TFF2: variants seen among roughly 807,000 people sequenced by gnomAD.
The protein encoded by TFF2 is spasmolysin.
In TFF2, 19 loss-of-function variants were observed where a neutral mutation model predicts 16.0. That is an observed-to-expected ratio of 1.19 (90% CI 0.83 to 1.74). The LOEUF is 1.74. Ranked by LOEUF, TFF2 falls within the 40% of genes most tolerant of loss-of-function variation. TFF2 has a pLI of 0.00. For synonymous variants in TFF2, 61 were observed against 65.4 expected (o/e 0.93, Z 0.32); for missense variants, 168 against 166.8 (o/e 1.01, Z -0.04).
At chr21:42,350,542 C>T (rs1373530147) in intron 1 of TFF2, among the ~76,000 whole-genome samples, 2 of 152,116 alleles carry the variant, frequency 1.3e-5, no homozygotes, top group Non-Finnish European at 2.9e-5. Context: ...CGGAAAAAAA[C>T]AAAAACAAAA....
chr21:42,347,418 C>T (rs896009188), intron 3 of TFF2, 68 bp downstream of exon 3: 63 of 1,602,188 alleles, frequency 3.9e-5, no homozygotes, highest in Non-Finnish European at 5.1e-5. Flanking sequence ...CCCTGCACCC[C>T]ACCTCTACGG....
chr21:42,350,850 C>A (rs1381577847), intron 1 of TFF2, 29 bp downstream of exon 1: 1 of 1,577,668 alleles, frequency 6.3e-7, no homozygotes, highest in Admixed American at 1.9e-5. Flanking sequence ...ATAAAGAAAG[C>A]ACATAAAAAG....
chr21:42,346,680 G>C (rs1432276233), intron 3 of TFF2, 134 bp from the exon 4 acceptor site: 5 of 980,478 alleles, frequency 5.1e-6, no homozygotes, highest in Admixed American at 5.5e-5. Flanking sequence ...TCCCGGGGAG[G>C]GGGTGTAAAG....
At chr21:42,349,544 C>T (rs1355919753) in intron 2 of TFF2, among the ~76,000 whole-genome samples, 1 of 129,746 alleles carries the variant, frequency 7.7e-6, no homozygotes, top group Non-Finnish European at 1.7e-5. Flanking sequence ...ACCTGGGCTA[C>T]TAGCCCCAGA....
At chr21:42,348,215 C>T (rs13047301) in intron 2 of TFF2, among the ~76,000 whole-genome samples, 42,025 of 146,652 alleles carry the variant, frequency 0.29, 6,154 homozygotes, top group East Asian at 0.37. Flanking sequence ...GCACGACACA[C>T]ACACAACCTT....
intron 3 of TFF2, 131 bp from the exon 4 acceptor site, chr21:42,346,677 G>T: frequency 9.3e-7 from 1 of 1,069,540 alleles, no homozygotes. Context: ...CTTTCCCGGG[G>T]AGGGGGTGTA....
chr21:42,350,896 G>A lies in TFF2; in HGVS notation c.62C>T (p.Ala21Val), dbSNP rs139956370. 44 of 1,613,070 alleles carry A rather than the reference G, an allele frequency of 2.7e-5. No homozygotes were observed. The Admixed American group carries it at 4.3e-4, about 16-fold the overall frequency. Residue 21 changes from alanine to valine, a missense_variant, in exon 1 of 4, where the codon GCG becomes GTG. Ala to Val is a moderately conservative substitution (Grantham distance 64). Transcript: ENST00000291526. ...TCACTTACAGGGTTTCTCACTCCCC[G>A]CCAGGGCACATAGCCCCAGGACGAG... ...ALLVLGLCAL[A>V]GSEKPSPCQC...
chr21:42,347,737 G>A, intron 2 of TFF2, 105 bp from the exon 3 acceptor site: 1 of 1,408,174 alleles, frequency 7.1e-7, no homozygotes, highest in Non-Finnish European at 9.5e-7. Flanking sequence ...CAGCCTCCGT[G>A]GATCATGAGG....
At chr21:42,350,321 G>C (rs1322441837) in intron 1 of TFF2, 2 of 402,342 alleles carry the variant, frequency 5.0e-6, no homozygotes, top group South Asian at 1.7e-4. Context: ...GAGCTCAGGA[G>C]TTCAAGACCA....
At chr21:42,350,354 C>T (rs939604437) in intron 1 of TFF2, 5 of 252,694 alleles carry the variant, frequency 2.0e-5, no homozygotes, top group Admixed American at 5.5e-5. Flanking sequence ...TGTCGAAACC[C>T]CATCTCTACA....
chr21:42,350,174 G>T, intron 1 of TFF2, 144 bp from the exon 2 acceptor site: 1 of 1,311,088 alleles, frequency 7.6e-7, no homozygotes, highest in Non-Finnish European at 9.7e-7. Flanking sequence ...TAAGCAATGC[G>T]GTTTCCTCCT....
chr21:42,350,352 C>T (rs567601681), intron 1 of TFF2: 127 of 255,070 alleles, frequency 5.0e-4, no homozygotes, highest in African/African-American at 2.7e-3. Flanking sequence ...CATGTCGAAA[C>T]CCCATCTCTA....
rs1401272277 is a variant in TFF2, at chr21:42,346,554, T to G, written c.377-8A>C. 2 of 1,595,570 alleles carry G rather than the reference T, an allele frequency of 1.3e-6. No individual in the cohort carries two copies. The highest frequency in any genetic ancestry group is 3.6e-5 in the Admixed American group (2 of 54,990). On this transcript the variant is annotated splice_region_variant and splice_polypyrimidine_tract_variant and intron_variant, in intron 3 of 3. Coordinates refer to ENST00000291526, the MANE Select transcript of TFF2 (RefSeq NM_005423.5). The stretch of plus-strand genomic sequence containing the variant: ...TCTCTTAGTAATGGCAGTCTAGAAG[T>G]TTAAATGCAAGATGGTTGGTAAGGG...
intron 2 of TFF2, among the ~76,000 whole-genome samples, chr21:42,349,667 G>C (rs1198121868): frequency 1.3e-5 from 2 of 149,046 alleles, no homozygotes; most frequent in African/African-American, 5.0e-5. Context: ...AACCAACCTG[G>C]GCTAGCCCCA....
In TFF2 at chr21:42,347,610, C is replaced by T. The variant is rs1485693426; in HGVS notation, c.252G>A (p.Glu84=). ...PKQESDQCVM[E]VSDRRNCGYP... ...AGCCACAGTTTCTTCGGTCTGAGAC[C>T]TCCATGACGCACTGATCCGACTCTG... Residue 84 remains glutamate (E), a synonymous_variant, in exon 3 of 4, where the codon GAG becomes GAA. Transcript: ENST00000291526. 6.2e-7 allele frequency: 1 copy of T among 1,614,054 alleles called. No homozygotes were observed. Among genetic ancestry groups the T allele is most frequent in the Non-Finnish European group, 8.5e-7 (1 of 1,180,036 alleles).
chr21:42,348,726 A>G (rs1360833368), intron 2 of TFF2, among the ~76,000 whole-genome samples: 1 of 150,662 alleles, frequency 6.6e-6, no homozygotes, highest in Non-Finnish European at 1.5e-5. Context: ...CTCTAGACTA[A>G]CAGTCCAGAC....
chr21:42,348,443 A>G (rs952172754), intron 2 of TFF2, among the ~76,000 whole-genome samples: 1 of 152,150 alleles, frequency 6.6e-6, no homozygotes, highest in East Asian at 1.9e-4. Flanking sequence ...CTATATATAT[A>G]TATATTTTTT....
At chr21:42,349,729 A>G (rs991292050) in intron 2 of TFF2, 152 bp downstream of exon 2, 15 of 784,798 alleles carry the variant, frequency 1.9e-5, no homozygotes, top group African/African-American at 5.2e-5. Flanking sequence ...CTAGCCCCAG[A>G]CTAACCAACC....
chr21:42,349,387 GCTAGCCCCAGACTAACCAACCTGGGCTA>G (rs1555848793), intron 2 of TFF2, among the ~76,000 whole-genome samples: 45 of 122,602 alleles, frequency 3.7e-4, no homozygotes, highest in African/African-American at 9.9e-4. Context: ...ACCAACCTGG[GCTAGCCCCAGACTAACCAACCTGGGCTA>G]CTAGCCCCAG....
Sources: gnomAD v4.1 joint callset for allele counts (sites outside exome capture counted in the v4.1 genomes callset) on GRCh38, gnomAD v4.1.1 for gene constraint, MANE v1.5 for transcripts, NCBI Gene and HGNC (gene_info 2026-07-23, HGNC 2026-07-21) for gene names.